IGSF11: variants seen among roughly 807,000 people sequenced by gnomAD.
IGSF11 encodes the protein CXADR like 1.
In IGSF11, 22 loss-of-function variants were observed where a neutral mutation model predicts 41.0. The ratio of observed to expected loss-of-function variants is 0.54; its 90% CI spans 0.38 to 0.77. The LOEUF (loss-of-function observed/expected upper bound fraction) is 0.77. Ranked by LOEUF, IGSF11 falls within the 30% of genes least tolerant of loss-of-function variation. The pLI, the probability that IGSF11 is intolerant of heterozygous loss-of-function variation, is 0.00. For synonymous variants in IGSF11, 219 were observed against 201.3 expected, an observed-to-expected ratio of 1.09 and a Z score of -0.74; for missense variants, 444 against 530.8, an observed-to-expected ratio of 0.84 and a Z score of 1.61.
chr3:118,984,667 T>C (rs549540246), intron 1 of IGSF11, among the ~76,000 whole-genome samples: 3 of 152,148 alleles, frequency 2.0e-5, no homozygotes, highest in East Asian at 3.9e-4. Context: ...AATCTCAATA[T>C]TGACAAGAAG....
intron 1 of IGSF11, among the ~76,000 whole-genome samples, chr3:119,090,002 G>T (rs2107492997): frequency 6.6e-6 from 1 of 152,202 alleles, no homozygotes; most frequent in South Asian, 2.1e-4. Context: ...TCCAGCCTGG[G>T]CAACAGAGCC....
intron 1 of IGSF11, among the ~76,000 whole-genome samples, chr3:119,048,963 A>T (rs1367286640): frequency 7.2e-5 from 11 of 152,086 alleles, no homozygotes; most frequent in Non-Finnish European, 1.3e-4. Context: ...CATGGTAAAA[A>T]CTCTCAATAA....
intron 4 of IGSF11, 108 bp from the exon 5 acceptor site, chr3:118,905,826 A>C: frequency 7.7e-7 from 1 of 1,293,444 alleles, no homozygotes; most frequent in Non-Finnish European, 1.1e-6. Flanking sequence ...GCTATCAATA[A>C]ATTTCTTTTT....
At chr3:118,974,607 C>G (rs550228308) in intron 1 of IGSF11, among the ~76,000 whole-genome samples, 1 of 152,246 alleles carries the variant, frequency 6.6e-6, no homozygotes, top group African/African-American at 2.4e-5. Context: ...AATCTTCTGG[C>G]CCTTCTTCAG....
rs377746200 is a variant in IGSF11 at position 119,097,957 on chromosome 3, A to ATTTTTTTTTTT, written c.49+7176_49+7186dup. On this transcript the variant is annotated intron_variant, in intron 1 of 6. Coordinates refer to the IGSF11 transcript ENST00000354673. ...AGGCACATGCCACCACATTCAGCTA[A>ATTTTTTTTTTT]TTTTTTTTTTTTTTTTTTTTTTTTT... 5.1e-4 allele frequency among the ~76,000 whole-genome samples: 30 copies of ATTTTTTTTTTT among 58,364 alleles called. 3 individuals are homozygous for ATTTTTTTTTTT. The highest frequency in any genetic ancestry group is 1.5e-3 in the African/African-American group (26 of 17,538). The allele number at this position is 58,364 out of a possible 152,430, so 38.3% of individuals were successfully genotyped here. A position where few individuals can be genotyped will look rare whatever the true frequency, so the allele number is the denominator to read the frequency against.
At chr3:118,997,108 C>T (rs1395285220) in intron 1 of IGSF11, among the ~76,000 whole-genome samples, 1 of 152,056 alleles carries the variant, frequency 6.6e-6, no homozygotes, top group East Asian at 1.9e-4. Flanking sequence ...TCCAAACTGA[C>T]ATTTGGCCTC....
intron 4 of IGSF11, among the ~76,000 whole-genome samples, chr3:118,919,222 C>A (rs1941485386): frequency 7.5e-6 from 1 of 133,370 alleles, no homozygotes; most frequent in African/African-American, 3.2e-5. Context: ...GTCCAAAACA[C>A]CAAAAGCAAT....
intron 1 of IGSF11, among the ~76,000 whole-genome samples, chr3:119,067,998 A>G (rs1347449): frequency 0.31 from 47,379 of 152,188 alleles, 7,877 homozygotes; most frequent in Middle Eastern, 0.39. Flanking sequence ...TATCCCTAGT[A>G]GATTCTAATG....
chr3:119,078,925 G>A (rs770873205), intron 1 of IGSF11, among the ~76,000 whole-genome samples: 1 of 151,880 alleles, frequency 6.6e-6, no homozygotes, highest in Non-Finnish European at 1.5e-5. Flanking sequence ...AGAAGTGAAC[G>A]GACATTTCTC....
intron 4 of IGSF11, among the ~76,000 whole-genome samples, chr3:118,919,736 T>G (rs2107511305): frequency 8.5e-6 from 1 of 118,190 alleles, no homozygotes; most frequent in African/African-American, 3.3e-5. Flanking sequence ...GAAATACCAT[T>G]TGACCCAGCC....
At chr3:119,114,090 A>G (rs2077223005) in intron 1 of IGSF11, among the ~76,000 whole-genome samples, 1 of 152,236 alleles carries the variant, frequency 6.6e-6, no homozygotes, top group Admixed American at 6.5e-5. Flanking sequence ...GGCCCAGCCC[A>G]TGGCCCATGA....
chr3:119,094,251 A>AAAG (rs2076812553), intron 1 of IGSF11, among the ~76,000 whole-genome samples: 1 of 125,966 alleles, frequency 7.9e-6, no homozygotes, highest in Non-Finnish European at 1.7e-5. Context: ...AAAAAAAAAA[A>AAAG]GTTGTTGTTC....
chr3:119,043,549 T>A (rs1941202958), intron 1 of IGSF11, among the ~76,000 whole-genome samples: 2 of 151,740 alleles, frequency 1.3e-5, no homozygotes, highest in South Asian at 4.2e-4. Context: ...TAACCAGAGG[T>A]CCTGAGTCCA....
At chr3:118,969,555 A>C (rs1361968364) in intron 1 of IGSF11, among the ~76,000 whole-genome samples, 1 of 152,184 alleles carries the variant, frequency 6.6e-6, no homozygotes, top group East Asian at 1.9e-4. Context: ...CCGTGAAAAA[A>C]GCAAGATTAG....
chr3:119,046,293 G>A (rs1288653298), intron 1 of IGSF11, among the ~76,000 whole-genome samples: 1 of 151,402 alleles, frequency 6.6e-6, no homozygotes, highest in African/African-American at 2.4e-5. Context: ...ACAGAGAAGT[G>A]CTTAAAGGAG....
chr3:119,112,433 C>A (rs2077191026), intron 1 of IGSF11, among the ~76,000 whole-genome samples: 1 of 152,170 alleles, frequency 6.6e-6, no homozygotes, highest in Non-Finnish European at 1.5e-5. Flanking sequence ...GTGCCGTTTC[C>A]TAAGCCTGTT....
chr3:119,034,927 G>C (rs1576706909), upstream of IGSF11: 4 of 858,700 alleles, frequency 4.7e-6, no homozygotes, highest in South Asian at 2.2e-4. Flanking sequence ...GCTCCTCGCC[G>C]CGCCGCCCAC....
At chr3:118,908,098 T>C (rs901573918) in intron 4 of IGSF11, among the ~76,000 whole-genome samples, 1 of 152,160 alleles carries the variant, frequency 6.6e-6, no homozygotes, top group African/African-American at 2.4e-5. Flanking sequence ...TTCTAAAAAT[T>C]TGATGAGCTC....
chr3:119,053,102 C>A (rs959702280), intron 1 of IGSF11, among the ~76,000 whole-genome samples: 1 of 152,164 alleles, frequency 6.6e-6, no homozygotes, highest in Non-Finnish European at 1.5e-5. Flanking sequence ...AGGATGCCCA[C>A]TTTCACCACT....
Sources: gnomAD v4.1 joint callset for allele counts (sites outside exome capture counted in the v4.1 genomes callset) on GRCh38, gnomAD v4.1.1 for gene constraint, MANE v1.5 for transcripts, NCBI Gene and HGNC (gene_info 2026-07-23, HGNC 2026-07-21) for gene names.